Variants in IL6ST observed in about 807,000 individuals in gnomAD.
IL6ST encodes the protein interleukin 6 cytokine family signal transducer, also known as interleukin-6 receptor subunit beta.
A neutral mutation model predicts 91.3 loss-of-function variants in IL6ST; 24 were observed. That is an observed-to-expected ratio of 0.26 (90% CI 0.19 to 0.37). The LOEUF is 0.37. IL6ST is among the 10% of genes least tolerant of loss of function. The pLI is 1.00. For missense variants in IL6ST, 914 were observed against 1,078.5 expected (o/e 0.85, Z 2.14); for synonymous variants, 351 against 373.6 (o/e 0.94, Z 0.70).
intron 8 of IL6ST, chr5:55,959,801 G>T: frequency 2.9e-6 from 1 of 344,040 alleles, no homozygotes; most frequent in Non-Finnish European, 5.5e-6. Context: ...GAGTATCTCT[G>T]GACAAGTCTC....
At position 55,976,648 on chromosome 5, in the gene IL6ST, G is replaced by A. The variant is rs368201466; in HGVS notation, c.-15-355C>T. On this transcript the variant is annotated intron_variant, in intron 2 of 16. Transcript: ENST00000381298. ...TAATATGTATCCTTAAAAGATACCT[G>A]ACAAATGGAAAAAAATGTTTGTAAT... 8.3e-4 allele frequency among the ~76,000 whole-genome samples: 127 copies of A among 152,158 alleles called. 1 individual carries two copies. The highest frequency in any genetic ancestry group is 2.9e-3 in the African/African-American group (121 of 41,510).
intron 2 of IL6ST, 50 bp from the exon 3 acceptor site, chr5:55,976,343 C>A (rs775209835): frequency 2.9e-5 from 29 of 999,368 alleles, no homozygotes; most frequent in African/African-American, 5.0e-5. Context: ...CTCTTATATA[C>A]ACATAATTTA....
intron 5 of IL6ST, among the ~76,000 whole-genome samples, chr5:55,967,208 G>T (rs1177865404): frequency 6.7e-6 from 1 of 149,568 alleles, no homozygotes; most frequent in Admixed American, 6.7e-5. Flanking sequence ...TACTCAGGAG[G>T]CTGAGGCAGG....
chr5:55,962,299 GC>G (rs1286948760), intron 7 of IL6ST, among the ~76,000 whole-genome samples: 3 of 152,158 alleles, frequency 2.0e-5, no homozygotes, highest in Non-Finnish European at 4.4e-5. Flanking sequence ...AAAGTCATTA[GC>G]CCAATTCCCT....
intron 15 of IL6ST, 131 bp from the exon 16 acceptor site, chr5:55,942,882 C>T (rs1490126802): frequency 1.9e-6 from 1 of 530,210 alleles, no homozygotes; most frequent in Non-Finnish European, 3.4e-6. Context: ...AAAATACCTA[C>T]TCTACCCCAA....
At chr5:55,968,167 T>A (rs913259085) in intron 5 of IL6ST, 109 bp downstream of exon 5, 2 of 1,011,418 alleles carry the variant, frequency 2.0e-6, no homozygotes, top group Admixed American at 2.9e-5. Flanking sequence ...GAATAAAAAA[T>A]TAAATGTTTT....
chr5:55,956,051 A>G lies in IL6ST; in HGVS notation c.1241T>C (p.Leu414Ser). 1 of 1,613,390 alleles carries G rather than the reference A, an allele frequency of 6.2e-7. No individual in the cohort carries two copies. Among genetic ancestry groups the G allele is most frequent in the Non-Finnish European group, 8.5e-7 (1 of 1,179,342 alleles). The change falls in exon 10 of 17, where the codon TTA (leucine) becomes TCA (serine). Residue 414 changes from leucine (L) to serine (S), a missense_variant. Coordinates refer to ENST00000381298, the MANE Select transcript of IL6ST (RefSeq NM_002184.4). ...TTGAAAGTCACAGGCAGGGATAGTTAAAACAGCTGCATCTGATTTGCCAAC... is the reference window on the plus strand; with the variant it reads ...TTGAAAGTCACAGGCAGGGATAGTTGAAACAGCTGCATCTGATTTGCCAAC... Reference protein sequence around the residue: ...NLVGKSDAAVLTIPACDFQAT... With the variant: ...NLVGKSDAAVSTIPACDFQAT...
intron 15 of IL6ST, among the ~76,000 whole-genome samples, chr5:55,946,605 TC>T (rs988216985): frequency 4.6e-5 from 7 of 151,956 alleles, no homozygotes; most frequent in Non-Finnish European, 1.5e-5. Flanking sequence ...TCACTTGAGG[TC>T]CGGAGTTCGA....
chr5:55,964,102 G>A lies in IL6ST; in HGVS notation c.658+44C>T, dbSNP rs192398121. 230 of 996,758 alleles carry A rather than the reference G, an allele frequency of 2.3e-4. 1 individual carries two copies. In the African/African-American group the frequency reaches 3.3e-3, roughly 14 times the overall value. The allele number at this position is 996,758 out of a possible 1,614,324, so 61.7% of individuals were successfully genotyped here. Reference sequence around the variant, plus strand: ...ATAAAAACTACTTTAATTTGTAAACGACTACAGTGTCAAATAAACTCTCAA... The same window carrying A: ...ATAAAAACTACTTTAATTTGTAAACAACTACAGTGTCAAATAAACTCTCAA... On this transcript the variant is annotated intron_variant, in intron 6 of 16. Coordinates refer to ENST00000381298, the MANE Select transcript of IL6ST (RefSeq NM_002184.4).
At chr5:55,948,499 T>C (rs1386806793) in intron 14 of IL6ST, among the ~76,000 whole-genome samples, 1 of 152,028 alleles carries the variant, frequency 6.6e-6, no homozygotes, top group African/African-American at 2.4e-5. Flanking sequence ...GAGAATAAAC[T>C]ATGGGTTGGC....
At chr5:55,977,572 T>G (rs2111866855) in intron 2 of IL6ST, among the ~76,000 whole-genome samples, 1 of 152,246 alleles carries the variant, frequency 6.6e-6, no homozygotes, top group African/African-American at 2.4e-5. Flanking sequence ...ACGCCTGTAA[T>G]CCCAGCACTT....
intron 2 of IL6ST, among the ~76,000 whole-genome samples, chr5:55,979,214 G>T (rs1285337780): frequency 2.6e-5 from 4 of 152,130 alleles, no homozygotes; most frequent in Admixed American, 2.0e-4. Context: ...ACAAAATAGT[G>T]AGACCCTGAC....
chr5:55,989,346 C>G (rs1305048958), intron 1 of IL6ST, among the ~76,000 whole-genome samples: 1 of 152,074 alleles, frequency 6.6e-6, no homozygotes, highest in Non-Finnish European at 1.5e-5. Flanking sequence ...ATTGGGACAA[C>G]TGGCTCCATA....
Position 55,951,605 on chromosome 5 carries a change from C to G in IL6ST, c.1700-1G>C. On this transcript the variant is annotated splice_acceptor_variant, in intron 13 of 16. Coordinates refer to ENST00000381298, the MANE Select transcript of IL6ST (RefSeq NM_002184.4). LOFTEE classifies it high-confidence loss of function. ...GTGTGGGAAGAATCCACATTCACAG[C>G]TGGAAGAAATAAGAACTGTGCTTCA... is the stretch of plus-strand genomic sequence containing the variant. 1 of 1,608,180 alleles carries G rather than the reference C, an allele frequency of 6.2e-7. No individual in the cohort carries two copies. Among genetic ancestry groups the G allele is most frequent in the Non-Finnish European group, 8.5e-7 (1 of 1,178,312 alleles).
rs143174618 is a variant in IL6ST, at chr5:55,957,030, C to T, written c.1056+179G>A. Among the ~76,000 whole-genome samples, 987 of 151,956 alleles carry T rather than the reference C, an allele frequency of 6.5e-3. 11 individuals are homozygous for T. The highest frequency in any genetic ancestry group is 0.023 in the African/African-American group (954 of 41,446). ...AAAATTAGCGGGGCGTGGTGGCGCA[C>T]ACCTGTAGTCCCAGCTACTCAGGAG... On this transcript the variant is annotated intron_variant, in intron 9 of 16. Coordinates refer to ENST00000381298, the MANE Select transcript of IL6ST (RefSeq NM_002184.4).
chr5:55,942,893 A>T, intron 15 of IL6ST, 142 bp from the exon 16 acceptor site: 1 of 508,476 alleles, frequency 2.0e-6, no homozygotes. Flanking sequence ...TCTACCCCAA[A>T]CAAAAATTAT....
chr5:55,994,142 A>G (rs1366197734), intron 1 of IL6ST: 1 of 143,566 alleles, frequency 7.0e-6, no homozygotes, highest in East Asian at 2.0e-4. Flanking sequence ...AATGCTGTTC[A>G]TCCACTGAAG....
Position 55,947,563 on chromosome 5 carries a change from C to T in IL6ST, c.1867G>A (p.Val623Met), listed in dbSNP as rs1445942110. 7 of 1,289,174 alleles carry T rather than the reference C, an allele frequency of 5.4e-6. No individual in the cohort carries two copies. Among genetic ancestry groups the T allele is most frequent in the Middle Eastern group, 2.6e-4 (1 of 3,782 alleles). 79.9% of individuals were successfully genotyped at this position (1,289,174 alleles called of 1,614,324 possible). The change falls in exon 15 of 17, where the codon GTG becomes ATG. Residue 623 changes from valine (V) to methionine (M), a missense_variant. Physicochemically the swap from Val to Met is conservative, Grantham distance 21. Coordinates refer to ENST00000381298, the MANE Select transcript of IL6ST (RefSeq NM_002184.4). ...AATAGGAATGCTAAGCAAACAGGCA[C>T]GACTATGGCTTCAATTTCTCCTTGA... ...FAQGEIEAIV[V>M]PVCLAFLLTT...
chr5:55,979,080 T>C (rs758435577), intron 2 of IL6ST, among the ~76,000 whole-genome samples: 14 of 152,112 alleles, frequency 9.2e-5, no homozygotes, highest in Non-Finnish European at 1.6e-4. Context: ...ATGAATCTCA[T>C]ATATAATACA....
Sources: allele counts gnomAD v4.1 joint callset (sites outside exome capture counted in the v4.1 genomes callset), GRCh38; gene constraint gnomAD v4.1.1; transcripts MANE v1.5; gene names NCBI Gene and HGNC (gene_info 2026-07-23, HGNC 2026-07-21).